KIF20B: variants seen among roughly 807,000 people sequenced by gnomAD.
The protein encoded by KIF20B is kinesin-like protein KIF20B.
In KIF20B, 188 loss-of-function variants were observed where a neutral mutation model predicts 232.5. The observed-to-expected ratio is 0.81, with a 90% CI of 0.72 to 0.91. KIF20B has a LOEUF of 0.91. Among genes scored for constraint, KIF20B ranks in the 40% least tolerant of loss-of-function variants. KIF20B has a pLI of 0.00. For missense variants in KIF20B, 2,154 were observed against 2,055.9 expected, an observed-to-expected ratio of 1.05 and a Z score of -0.92; for synonymous variants, 712 against 683.0, an observed-to-expected ratio of 1.04 and a Z score of -0.66.
chr10:89,702,668 G>A (rs988635539), intron 1 of KIF20B, among the ~76,000 whole-genome samples: 16 of 151,752 alleles, frequency 1.1e-4, no homozygotes, highest in Admixed American at 1.0e-3. Context: ...TAAATATGCA[G>A]TTTTCCAGTC....
intron 13 of KIF20B, among the ~76,000 whole-genome samples, chr10:89,723,002 C>T (rs1280410183): frequency 6.6e-6 from 1 of 152,056 alleles, no homozygotes; most frequent in Non-Finnish European, 1.5e-5. Context: ...TTAAACCAAT[C>T]CTTTAACATT....
intron 29 of KIF20B, 144 bp from the exon 30 acceptor site, chr10:89,768,146 A>G (rs752157051): frequency 3.3e-5 from 20 of 606,936 alleles, no homozygotes; most frequent in Non-Finnish European, 5.9e-5. Flanking sequence ...AAACATTGCC[A>G]TTGTCCTCTG....
Position 89,758,724 on chromosome 10 carries a change from C to A in KIF20B, c.4522C>A (p.Leu1508Met). 6.3e-7 allele frequency: 1 copy of A among 1,590,930 alleles called. No individual in the cohort carries two copies. The highest frequency in any genetic ancestry group is 8.5e-7 in the Non-Finnish European group (1 of 1,170,452). Residue 1508 changes from leucine to methionine, a missense_variant, in exon 27 of 33, where the codon CTG (leucine) becomes ATG (methionine). Leu to Met is a conservative substitution (Grantham distance 15). Coordinates refer to ENST00000371728, the MANE Select transcript of KIF20B (RefSeq NM_001284259.2). ...TGATTAGGAAATACTGACAGCCCAG[C>A]TGACAGAGAAAGATAGTGACCTTCA... Reference protein sequence around the residue: ...QNEMEILTAQLTEKDSDLQKW... With the variant: ...QNEMEILTAQMTEKDSDLQKW...
intron 5 of KIF20B, 57 bp from the exon 6 acceptor site, chr10:89,710,902 GTA>G: frequency 1.4e-6 from 2 of 1,396,776 alleles, no homozygotes; most frequent in East Asian, 2.4e-5. Flanking sequence ...TAATAAACAA[GTA>G]AAGTTTCCTC....
intron 16 of KIF20B, among the ~76,000 whole-genome samples, 153 bp from the exon 17 acceptor site, chr10:89,727,703 T>C (rs531622403): frequency 1.3e-5 from 2 of 152,334 alleles, no homozygotes; most frequent in East Asian, 3.9e-4. Flanking sequence ...GATTTTTTTT[T>C]AATGAGTAGG....
chr10:89,771,345 A>C (rs991930759), intron 31 of KIF20B, among the ~76,000 whole-genome samples: 1 of 152,154 alleles, frequency 6.6e-6, no homozygotes, highest in East Asian at 1.9e-4. Flanking sequence ...GTCAGCTCTT[A>C]GTATAGTGGC....
chr10:89,708,777 G>T (rs955628376), intron 2 of KIF20B, among the ~76,000 whole-genome samples: 2 of 151,992 alleles, frequency 1.3e-5, no homozygotes, highest in East Asian at 1.9e-4. Context: ...CAAGGAGAAT[G>T]GTACATAGTA....
chr10:89,757,036 G>GTATATATA (rs1227383713), intron 26 of KIF20B, among the ~76,000 whole-genome samples: 47 of 82,202 alleles, frequency 5.7e-4, no homozygotes, highest in African/African-American at 2.0e-3. Context: ...GTGTGTGTGT[G>GTATATATA]TGTGTATATA....
intron 24 of KIF20B, 45 bp downstream of exon 24, chr10:89,751,516 TA>T (rs747661768): frequency 2.1e-4 from 326 of 1,533,452 alleles, no homozygotes; most frequent in Admixed American, 5.6e-4. Context: ...CTTTTTCATT[TA>T]AAAAAAAATT....
intron 5 of KIF20B, among the ~76,000 whole-genome samples, chr10:89,710,449 G>A (rs1011726058): frequency 1.3e-5 from 2 of 152,014 alleles, no homozygotes; most frequent in Non-Finnish European, 2.9e-5. Flanking sequence ...GGCTAGTCTC[G>A]AACTCCTGAC....
chr10:89,752,749 TAAG>T, intron 25 of KIF20B, 58 bp downstream of exon 25: 14 of 1,259,954 alleles, frequency 1.1e-5, no homozygotes, highest in Non-Finnish European at 1.5e-5. Flanking sequence ...ATATTTCTAA[TAAG>T]AGGAGAATTC....
Position 89,711,723 on chromosome 10 carries a change from T to C in KIF20B, c.675+578T>C, listed in dbSNP as rs192656734. 3.2e-3 allele frequency among the ~76,000 whole-genome samples: 482 copies of C among 152,262 alleles called. 4 individuals carry two copies. The highest frequency in any genetic ancestry group is 0.011 in the African/African-American group (450 of 41,580). On this transcript the variant is annotated intron_variant, in intron 6 of 32. Coordinates refer to ENST00000371728, the MANE Select transcript of KIF20B (RefSeq NM_001284259.2). ...AAAGAGATCTTACTATGCTTACCAT[T>C]CTATGACTTGGTATTTCATTTAGCG...
At chr10:89,704,799 G>A (rs1346272209) in intron 1 of KIF20B, among the ~76,000 whole-genome samples, 1 of 151,926 alleles carries the variant, frequency 6.6e-6, no homozygotes, top group Non-Finnish European at 1.5e-5. Context: ...CCTCGTGATC[G>A]ACCCGCCTTG....
chr10:89,727,680 G>C (rs1331439572), intron 16 of KIF20B, among the ~76,000 whole-genome samples, 176 bp from the exon 17 acceptor site: 1 of 151,842 alleles, frequency 6.6e-6, no homozygotes, highest in African/African-American at 2.4e-5. Context: ...ACCCTGTTGT[G>C]GTTGAATTAG....
At chr10:89,748,886 A>T (rs1841971728) in intron 23 of KIF20B, among the ~76,000 whole-genome samples, 1 of 151,954 alleles carries the variant, frequency 6.6e-6, no homozygotes, top group Non-Finnish European at 1.5e-5. Flanking sequence ...TATGCTTCTA[A>T]GTCACTTGTA....
chr10:89,745,824 T>C, intron 22 of KIF20B, 75 bp from the exon 23 acceptor site: 1 of 956,076 alleles, frequency 1.0e-6, no homozygotes, highest in Non-Finnish European at 1.7e-6. Flanking sequence ...TATTGAGCCC[T>C]GTTTTCAAGA....
intron 31 of KIF20B, among the ~76,000 whole-genome samples, chr10:89,771,510 A>G (rs1409541281): frequency 1.3e-5 from 2 of 152,042 alleles, no homozygotes; most frequent in African/African-American, 4.8e-5. Flanking sequence ...AATGCATTAT[A>G]ATCTCTTAAG....
At chr10:89,729,810 T>C (rs1843279553) in intron 18 of KIF20B, among the ~76,000 whole-genome samples, 1 of 152,240 alleles carries the variant, frequency 6.6e-6, no homozygotes, top group Admixed American at 6.5e-5. Flanking sequence ...TCAGCTTGTC[T>C]TTTAATCCAT....
intron 22 of KIF20B, among the ~76,000 whole-genome samples, chr10:89,745,684 C>T (rs1237954608): frequency 6.6e-6 from 1 of 151,704 alleles, no homozygotes; most frequent in African/African-American, 2.4e-5. Flanking sequence ...AATCTTGGCT[C>T]ACTGCAATCT....
Sources: gnomAD v4.1 joint callset for allele counts (sites outside exome capture counted in the v4.1 genomes callset) on GRCh38, gnomAD v4.1.1 for gene constraint, MANE v1.5 for transcripts, NCBI Gene and HGNC (gene_info 2026-07-23, HGNC 2026-07-21) for gene names.